FAT1: variants seen among roughly 807,000 people sequenced by gnomAD.
The protein encoded by FAT1 is FAT atypical cadherin 1.
FAT1 carries 171 observed loss-of-function variants against 329.8 expected under a neutral mutation model. The ratio of observed to expected loss-of-function variants is 0.52; its 90% confidence interval spans 0.46 to 0.59. The LOEUF (loss-of-function observed/expected upper bound fraction) is 0.59, where lower values mean the gene tolerates loss of function less well. Among genes scored for constraint, FAT1 ranks in the 20% least tolerant of loss-of-function variants. The pLI is 0.00. For synonymous variants in FAT1, 2,233 were observed against 2,228.6 expected (o/e 1.00, Z -0.06); for missense variants, 5,672 against 5,774.4 (o/e 0.98, Z 0.57).
chr4:186,724,476 C>T (rs1223277181), upstream of FAT1, among the ~76,000 whole-genome samples: 2 of 152,166 alleles, frequency 1.3e-5, no homozygotes, highest in Admixed American at 1.3e-4. The surrounding 1 kb of genome is among the most constrained non-coding windows in gnomAD (Gnocchi z 5.3). Context: ...TGGCCTCCCC[C>T]GCTGACACCC....
At chr4:186,646,059 G>A (rs1741371458) in intron 3 of FAT1, among the ~76,000 whole-genome samples, 1 of 150,380 alleles carries the variant, frequency 6.6e-6, no homozygotes, top group African/African-American at 2.5e-5. Flanking sequence ...TAGGATTCAG[G>A]TCCAACTGCA....
chr4:186,682,821 G>A, intron 2 of FAT1, among the ~76,000 whole-genome samples: 1 of 152,180 alleles, frequency 6.6e-6, no homozygotes, highest in East Asian at 1.9e-4. Flanking sequence ...ACCACTGAGG[G>A]CCCCAAGGGG....
chr4:186,699,675 G>C (rs1368135362), intron 2 of FAT1, among the ~76,000 whole-genome samples: 1 of 147,044 alleles, frequency 6.8e-6, no homozygotes, highest in South Asian at 2.2e-4. Context: ...CTATTTATAA[G>C]CAGCATGGTC....
At chr4:186,602,767 T>G (rs1251666441) in intron 20 of FAT1, 136 bp downstream of exon 20, 2 of 995,830 alleles carry the variant, frequency 2.0e-6, no homozygotes, top group South Asian at 1.8e-5. Flanking sequence ...CTGTCATTCT[T>G]TATTCATCTC....
intron 2 of FAT1, among the ~76,000 whole-genome samples, chr4:186,682,092 G>C (rs949399700): frequency 6.6e-6 from 1 of 152,156 alleles, no homozygotes; most frequent in African/African-American, 2.4e-5. Flanking sequence ...GTCATATGGA[G>C]GCGATAAGGG....
At chr4:186,637,103 C>T (rs1740868126) in intron 4 of FAT1, among the ~76,000 whole-genome samples, 189 bp from the exon 5 acceptor site, 1 of 152,128 alleles carries the variant, frequency 6.6e-6, no homozygotes, top group South Asian at 2.1e-4. Context: ...CCCATCTCTA[C>T]AGGGAGAGAG....
rs142057401 is a variant in FAT1, at chr4:186,588,632, G to C, written c.13727C>G (p.Thr4576Arg). 1 of 1,613,452 alleles carries C rather than the reference G, an allele frequency of 6.2e-7. No individual in the cohort carries two copies. The highest frequency in any genetic ancestry group is 8.5e-7 in the Non-Finnish European group (1 of 1,179,676). ...SGDDGHFEEV[T>R]IPPLDSQQHT... The stretch of plus-strand genomic sequence containing the variant: ...CTGCTGGGAATCCAGGGGCGGGATC[G>C]TCACCTCTTCGAAGTGGCCGTCGTC... Residue 4576 changes from threonine (T) to arginine (R), a missense_variant, in exon 27 of 27, where the codon ACG (threonine) becomes AGG (arginine). Physicochemically the swap from Thr to Arg is moderately conservative, Grantham distance 71 (BLOSUM62 -1). Transcript: ENST00000441802.
chr4:186,603,201 G>C lies in FAT1; in HGVS notation c.11325C>G (p.His3775Gln), dbSNP rs369888634. The change falls in exon 19 of 27, where the codon CAC becomes CAG. Residue 3775 changes from histidine (H) to glutamine (Q), a missense_variant. His to Gln is a conservative substitution (Grantham distance 24). Transcript: ENST00000441802. ...CTTTGCAGAGACACACCGCTGCCCT[G>C]TGGTGGCGGGGAGTCACAAAACTCA... ...ARLSFVTPRH[H>Q]RAAVCLCKEG... 2 of 1,613,756 alleles carry C rather than the reference G, an allele frequency of 1.2e-6. No individual in the cohort carries two copies. The highest frequency in any genetic ancestry group is 1.7e-6 in the Non-Finnish European group (2 of 1,179,802).
At position 186,620,991 on chromosome 4, in the gene FAT1, T is replaced by A. The variant is rs1336334963; in HGVS notation, c.5595A>T (p.Val1865=). 2 of 1,613,214 alleles carry A rather than the reference T, an allele frequency of 1.2e-6. No individual in the cohort carries two copies. Among genetic ancestry groups the A allele is most frequent in the Middle Eastern group, 1.6e-4 (1 of 6,062 alleles). ...PRLFAEYAAN[V]TVHVIDINDC... is the part of the protein sequence containing the mutation. Reference sequence around the variant, plus strand: ...CATTAATGTCAATTACATGTACTGTTACATTCGCTGCATACTCAGCAAATA... The same window carrying A: ...CATTAATGTCAATTACATGTACTGTAACATTCGCTGCATACTCAGCAAATA... The change falls in exon 10 of 27, where the codon GTA becomes GTT. Residue 1865 remains valine, a synonymous_variant. Transcript: ENST00000441802.
At chr4:186,628,846 G>GT in intron 7 of FAT1, 83 bp from the exon 8 acceptor site, 2 of 1,366,292 alleles carry the variant, frequency 1.5e-6, no homozygotes, top group Non-Finnish European at 2.0e-6. Context: ...CGAAAGTCAT[G>GT]TATATTGAAA....
In FAT1 at chr4:186,628,263, G is replaced by A. The variant is rs764544033; in HGVS notation, c.4701C>T (p.Tyr1567=). Residue 1567 remains tyrosine (Y), a synonymous_variant, in exon 9 of 27, where the codon TAC becomes TAT. Coordinates refer to ENST00000441802, the MANE Select transcript of FAT1 (RefSeq NM_005245.4). The part of the protein sequence containing the change: ...DHAPWFTASS[Y]KGRVYESAAV... ...CTGCCGATTCATAAACCCGCCCTTT[G>A]TAGGAGGAAGCGGTGAACCACGGGG... is the stretch of plus-strand genomic sequence containing the variant. 6.2e-7 allele frequency: 1 copy of A among 1,613,872 alleles called. No individual in the cohort carries two copies. Among genetic ancestry groups the A allele is most frequent in the Non-Finnish European group, 8.5e-7 (1 of 1,179,850 alleles).
At chr4:186,668,063 C>T (rs1742539167) in intron 2 of FAT1, among the ~76,000 whole-genome samples, 1 of 152,112 alleles carries the variant, frequency 6.6e-6, no homozygotes, top group Admixed American at 6.6e-5. Context: ...AGACGGGAGA[C>T]GATCTGAGGA....
chr4:186,657,053 GAGAGAA>G (rs1741936268), intron 3 of FAT1, among the ~76,000 whole-genome samples: 1 of 152,084 alleles, frequency 6.6e-6, no homozygotes, highest in South Asian at 2.1e-4. Flanking sequence ...AAGGATCCCT[GAGAGAA>G]ACAGATGAGG....
At chr4:186,713,421 C>G (rs994349267) in intron 1 of FAT1, among the ~76,000 whole-genome samples, 35 of 152,236 alleles carry the variant, frequency 2.3e-4, no homozygotes, top group Admixed American at 6.5e-4. Flanking sequence ...CACACCGTAG[C>G]AAGCGGGTAA....
rs765424396 is a variant in FAT1 at position 186,639,748 on chromosome 4, C to A, written c.3616G>T (p.Glu1206Ter). The A allele has an allele frequency of 6.2e-7, 1 of 1,612,552 alleles. No individual in the cohort carries two copies. The change falls in exon 4 of 27, where the codon GAA (glutamate) becomes TAA (stop). Residue 1206 changes from glutamate to a stop codon, truncating the protein, a stop_gained. Coordinates refer to ENST00000441802, the MANE Select transcript of FAT1 (RefSeq NM_005245.4). LOFTEE classifies it high-confidence loss of function. ...ITTTSRKLDR[E>*]QQDEHILEVT... ...TCTAATATGTGTTCATCTTGCTGTT[C>A]TCGGTCTAGCTTCCTTGACGTAGTT...
At position 186,597,972 on chromosome 4, in the gene FAT1, C is replaced by G. The variant is rs1439921171; in HGVS notation, c.12257G>C (p.Arg4086Thr). Reference protein sequence around the residue: ...CQCRGLYTGQRCQLSPYCKDE... With the variant: ...CQCRGLYTGQTCQLSPYCKDE... ...TGAAAGTTAAGAAAAATACACATAC[C>G]TCTGACCAGTATATAATCCTCTACA... Residue 4086 changes from arginine (R) to threonine (T), a missense_variant and splice_region_variant, in exon 23 of 27, where the codon AGG (arginine) becomes ACG (threonine). Physicochemically the swap from Arg to Thr is moderately conservative, Grantham distance 71. This residue lies in a region of FAT1 where 1,706 missense variants were observed against 1,859.1 expected (regional missense o/e 0.92). Coordinates refer to ENST00000441802, the MANE Select transcript of FAT1 (RefSeq NM_005245.4). 6.2e-7 allele frequency: 1 copy of G among 1,605,722 alleles called. No homozygotes were observed.
At chr4:186,631,640 C>T (rs1160889462) in intron 7 of FAT1, among the ~76,000 whole-genome samples, 1 of 150,906 alleles carries the variant, frequency 6.6e-6, no homozygotes, top group Non-Finnish European at 1.5e-5. Flanking sequence ...CTCTTCAACC[C>T]ATTCCTGCGG....
At position 186,617,822 on chromosome 4, in the gene FAT1, T is replaced by A. The variant is rs2126488297; in HGVS notation, c.8764A>T (p.Ile2922Phe). The A allele has an allele frequency of 6.2e-7, 1 of 1,614,014 alleles. No individual in the cohort carries two copies. Among genetic ancestry groups the A allele is most frequent in the South Asian group, 1.1e-5 (1 of 91,080 alleles). The change falls in exon 10 of 27, where the codon ATC becomes TTC. Residue 2922 changes from isoleucine to phenylalanine, a missense_variant. Coordinates refer to ENST00000441802, the MANE Select transcript of FAT1 (RefSeq NM_005245.4). Reference protein sequence around the residue: ...NDSPPRFTAEIYKGTVSEDDP... With the variant: ...NDSPPRFTAEFYKGTVSEDDP... ...TCCTCACTCACAGTCCCTTTATAGA[T>A]CTCGGCCGTGAATCGTGGTGGACTA...
At chr4:186,610,686 T>A (rs1286324945) in intron 14 of FAT1, among the ~76,000 whole-genome samples, 1 of 24,574 alleles carries the variant, frequency 4.1e-5, no homozygotes, top group African/African-American at 1.2e-4. Flanking sequence ...TAAATATAAA[T>A]TATATAATTT....
Sources: allele counts gnomAD v4.1 joint callset (sites outside exome capture counted in the v4.1 genomes callset), GRCh38; gene constraint gnomAD v4.1.1; regional missense constraint gnomAD v4.1.1; non-coding constraint Gnocchi (gnomAD v3.1); transcripts MANE v1.5; gene names NCBI Gene and HGNC (gene_info 2026-07-23, HGNC 2026-07-21).